The following P4HA1 variants were observed in gnomAD, a reference collection of about 807,000 sequenced individuals.
P4HA1 encodes the protein prolyl 4-hydroxylase subunit alpha 1, also known as prolyl 4-hydroxylase subunit alpha-1.
A neutral mutation model predicts 72.8 loss-of-function variants in P4HA1; 24 were observed. The observed-to-expected ratio is 0.33, with a 90% CI of 0.24 to 0.46. The LOEUF (loss-of-function observed/expected upper bound fraction) is 0.46, where lower values mean the gene tolerates loss of function less well. Ranked by LOEUF, P4HA1 falls within the 20% of genes least tolerant of loss-of-function variation. The pLI is 1.00. For synonymous variants in P4HA1, 201 were observed against 218.8 expected, an observed-to-expected ratio of 0.92 and a Z score of 0.72; for missense variants, 446 against 640.6, an observed-to-expected ratio of 0.70 and a Z score of 3.28.
chr10:73,049,820 A>C lies in P4HA1; in HGVS notation c.900+1233T>G, dbSNP rs532795940. On this transcript the variant is annotated intron_variant, in intron 7 of 14. Coordinates refer to ENST00000394890, the MANE Select transcript of P4HA1 (RefSeq NM_001017962.3). ...CTACAAGGGATTATTGTATAGATGA[A>C]TCTGTTGTATCTCATAAGATGCACA... Among the ~76,000 whole-genome samples the C allele has an allele frequency of 3.3e-5, 5 of 152,334 alleles. No homozygotes were observed. In the South Asian group the frequency reaches 1.0e-3, roughly 32 times the overall value.
At chr10:73,069,806 G>GTTTTTTT (rs201651550) in intron 4 of P4HA1, among the ~76,000 whole-genome samples, 8 of 147,416 alleles carry the variant, frequency 5.4e-5, no homozygotes, top group African/African-American at 1.8e-4. Context: ...ATAATCAACT[G>GTTTTTTT]TTTTGTTTTT....
chr10:73,022,111 C>G (rs1278196606), intron 10 of P4HA1, among the ~76,000 whole-genome samples: 1 of 152,210 alleles, frequency 6.6e-6, no homozygotes, highest in African/African-American at 2.4e-5. Flanking sequence ...CTTAAACGTC[C>G]CTGTCTGACA....
At chr10:73,021,772 C>A (rs12253317) in intron 10 of P4HA1, among the ~76,000 whole-genome samples, 1 of 152,076 alleles carries the variant, frequency 6.6e-6, no homozygotes, top group African/African-American at 2.4e-5. Context: ...CTGGAAAAAC[C>A]GGACAATCCT....
In P4HA1 at chr10:73,072,184, C is replaced by A; in HGVS notation, c.174-4G>T. 1.2e-6 allele frequency: 2 copies of A among 1,606,530 alleles called. No individual in the cohort carries two copies. The highest frequency in any genetic ancestry group is 1.7e-6 in the Non-Finnish European group (2 of 1,175,104). On this transcript the variant is annotated splice_region_variant and splice_polypyrimidine_tract_variant and intron_variant, in intron 3 of 14. Transcript: ENST00000394890. Reference sequence around the variant, plus strand: ...CCGATCTAACTTCTCTGCCCATCTACAGATGTAAAACATAAAAACTGAATA... The same window carrying A: ...CCGATCTAACTTCTCTGCCCATCTAAAGATGTAAAACATAAAAACTGAATA...
intron 1 of P4HA1, among the ~76,000 whole-genome samples, chr10:73,089,991 C>T (rs747747256): frequency 2.6e-5 from 4 of 152,086 alleles, no homozygotes; most frequent in Non-Finnish European, 5.9e-5. Flanking sequence ...CACACAACAC[C>T]ACACCTGGCT....
intron 1 of P4HA1, among the ~76,000 whole-genome samples, chr10:73,081,759 GCA>G (rs1369674630): frequency 1.3e-5 from 2 of 152,218 alleles, no homozygotes; most frequent in Non-Finnish European, 2.9e-5. Context: ...TTTGGGCCAG[GCA>G]CAGTGGCTCA....
intron 7 of P4HA1, among the ~76,000 whole-genome samples, chr10:73,048,157 G>A (rs776376102): frequency 6.6e-6 from 1 of 152,138 alleles, no homozygotes. Context: ...AATGATTCAT[G>A]TTTATTCTCC....
intron 12 of P4HA1, 77 bp downstream of exon 12, chr10:73,014,147 C>T (rs1839966973): frequency 5.0e-6 from 5 of 991,374 alleles, no homozygotes; most frequent in Admixed American, 3.5e-5. Flanking sequence ...CAGAGCTACA[C>T]AGAACAAACT....
At chr10:73,053,632 T>C (rs1841069685) in intron 5 of P4HA1, 42 bp from the exon 6 acceptor site, 3 of 1,551,992 alleles carry the variant, frequency 1.9e-6, no homozygotes, top group Non-Finnish European at 1.8e-6. Flanking sequence ...ATCTTAACAC[T>C]ACTGTGTATT....
chr10:73,077,379 GTTTT>G (rs1229077469), intron 1 of P4HA1, among the ~76,000 whole-genome samples: 2 of 152,054 alleles, frequency 1.3e-5, no homozygotes, highest in Non-Finnish European at 2.9e-5. Flanking sequence ...TGTCACTAAA[GTTTT>G]TTTGTCATCT....
chr10:73,047,410 T>G (rs1050221114), intron 7 of P4HA1, among the ~76,000 whole-genome samples: 1 of 151,610 alleles, frequency 6.6e-6, no homozygotes, highest in Admixed American at 6.6e-5. Flanking sequence ...AAAAAAGCCA[T>G]GTTTATGAAA....
intron 1 of P4HA1, among the ~76,000 whole-genome samples, chr10:73,091,060 CAAA>C (rs202009101): frequency 1.1e-3 from 56 of 49,374 alleles, no homozygotes; most frequent in African/African-American, 3.0e-3. Flanking sequence ...GAGTCCATCT[CAAA>C]AAAAAAAAAA....
At chr10:73,030,552 C>T (rs987387020) in intron 9 of P4HA1, among the ~76,000 whole-genome samples, 182 bp from the exon 10 acceptor site, 1 of 151,738 alleles carries the variant, frequency 6.6e-6, no homozygotes, top group African/African-American at 2.4e-5. Context: ...TTTTAAATGT[C>T]ACATTCTACT....
intron 5 of P4HA1, among the ~76,000 whole-genome samples, chr10:73,058,141 TA>T (rs145538099): frequency 0.011 from 1,012 of 94,140 alleles, 15 homozygotes; most frequent in African/African-American, 0.036. Context: ...ACAACATTGA[TA>T]GGGGTGAAAC....
At chr10:73,055,605 A>C (rs1412910466) in intron 5 of P4HA1, among the ~76,000 whole-genome samples, 1 of 152,194 alleles carries the variant, frequency 6.6e-6, no homozygotes, top group Non-Finnish European at 1.5e-5. Flanking sequence ...CCAACTTATT[A>C]ATCTTTCAGC....
At chr10:73,087,550 C>G (rs112624483) in intron 1 of P4HA1, among the ~76,000 whole-genome samples, 24,354 of 151,776 alleles carry the variant, frequency 0.16, 3,239 homozygotes, top group African/African-American at 0.34. Context: ...ACAGGCATGA[C>G]CCACCATGCC....
chr10:73,065,713 C>T (rs1340296187), intron 5 of P4HA1, among the ~76,000 whole-genome samples: 3 of 152,014 alleles, frequency 2.0e-5, no homozygotes, highest in African/African-American at 7.2e-5. Flanking sequence ...AACCAAATAC[C>T]CTATGATTTC....
chr10:73,008,277 A>G lies in P4HA1; in HGVS notation c.1550T>C (p.Leu517Pro). The change falls in exon 15 of 15, where the codon CTC becomes CCC. Residue 517 changes from leucine to proline, a missense_variant. By Grantham distance (98) the Leu-to-Pro change is moderately conservative. Coordinates refer to ENST00000394890, the MANE Select transcript of P4HA1 (RefSeq NM_001017962.3). ...VGNKWVSNKW[L>P]HERGQEFRRP... Reference sequence around the variant, plus strand: ...TCGAAATTCTTGTCCACGTTCATGGAGCCATTTATTGGATACTGTGAGAGA... The same window carrying G: ...TCGAAATTCTTGTCCACGTTCATGGGGCCATTTATTGGATACTGTGAGAGA... The G allele has an allele frequency of 1.3e-6, 2 of 1,598,148 alleles. No individual in the cohort carries two copies. Among genetic ancestry groups the G allele is most frequent in the Non-Finnish European group, 1.7e-6 (2 of 1,165,864 alleles).
In P4HA1 at chr10:73,058,090, GAAAAAAAAAAAA is replaced by G. The variant is rs869244017; in HGVS notation, c.464-4512_464-4501del. On this transcript the variant is annotated intron_variant, in intron 5 of 14. Coordinates refer to ENST00000394890, the MANE Select transcript of P4HA1 (RefSeq NM_001017962.3). ...GGGTGACAGAGCAAGACTCCGTCCAGAAAAAAAAAAAAAAAAAAAAAAAAAAAAAGGTGAATA... is the reference window on the plus strand; with the variant it reads ...GGGTGACAGAGCAAGACTCCGTCCAGAAAAAAAAAAAAAAAAAGGTGAATA... Among the ~76,000 whole-genome samples the G allele has an allele frequency of 2.7e-3, 63 of 23,064 alleles. 1 individual carries two copies. Among genetic ancestry groups the G allele is most frequent in the East Asian group, 0.011 (12 of 1,128 alleles). The allele number at this position is 23,064 out of a possible 152,430, so 15.1% of individuals were successfully genotyped here. A position where few individuals can be genotyped will look rare whatever the true frequency, so the allele number is the denominator to read the frequency against.
Sources: allele counts gnomAD v4.1 joint callset (sites outside exome capture counted in the v4.1 genomes callset), GRCh38; gene constraint gnomAD v4.1.1; transcripts MANE v1.5; gene names NCBI Gene and HGNC (gene_info 2026-07-23, HGNC 2026-07-21).